Variants in ACBD5 observed in about 807,000 individuals in gnomAD.
ACBD5 encodes acyl-CoA binding domain containing 5.
Under a neutral mutation model 71.8 loss-of-function variants are expected in ACBD5, and 40 were observed. The ratio of observed to expected loss-of-function variants is 0.56; its 90% CI spans 0.43 to 0.72. The LOEUF (loss-of-function observed/expected upper bound fraction) is 0.72. Among genes scored for constraint, ACBD5 ranks in the 30% least tolerant of loss-of-function variants. The probability of loss-of-function intolerance (pLI) is 0.00; values close to 1 mark genes in which losing one functional copy is unlikely to be tolerated. For synonymous variants in ACBD5, 229 were observed against 218.6 expected, an observed-to-expected ratio of 1.05 and a Z score of -0.42; for missense variants, 559 against 644.5, an observed-to-expected ratio of 0.87 and a Z score of 1.44.
chr10:27,227,530 C>G (rs1235566531), intron 4 of ACBD5, among the ~76,000 whole-genome samples: 1 of 151,226 alleles, frequency 6.6e-6, no homozygotes, highest in Non-Finnish European at 1.5e-5. Flanking sequence ...CACTAGAAGC[C>G]TATCACTCAC....
At chr10:27,214,320 T>C (rs992180259) in intron 8 of ACBD5, among the ~76,000 whole-genome samples, 3 of 152,148 alleles carry the variant, frequency 2.0e-5, no homozygotes, top group Non-Finnish European at 4.4e-5. Context: ...TTACACATCA[T>C]ATGCCTGCAC....
At chr10:27,220,864 T>C (rs1589216759) in intron 5 of ACBD5, among the ~76,000 whole-genome samples, 1 of 152,198 alleles carries the variant, frequency 6.6e-6, no homozygotes, top group East Asian at 1.9e-4. Context: ...AAATGGCTAC[T>C]TTTAAGGAAA....
chr10:27,235,023 A>G, intron 3 of ACBD5, 69 bp downstream of exon 3: 1 of 1,463,168 alleles, frequency 6.8e-7, no homozygotes, highest in Non-Finnish European at 9.5e-7. Flanking sequence ...ATAACCACTT[A>G]AGTAATAGCC....
downstream of ACBD5, among the ~76,000 whole-genome samples, chr10:27,192,738 G>A (rs4749235): frequency 0.58 from 87,911 of 152,030 alleles, 25,457 homozygotes; most frequent in Non-Finnish European, 0.58. Context: ...TTGGGAGGCC[G>A]AGGCGGGTGG....
chr10:27,219,739 T>C lies in ACBD5; in HGVS notation c.609A>G (p.Ala203=), dbSNP rs1265310814. The C allele has an allele frequency of 6.2e-7, 1 of 1,614,094 alleles. No homozygotes were observed. The highest frequency in any genetic ancestry group is 1.3e-5 in the African/African-American group (1 of 75,070). The change falls in exon 6 of 13, where the codon GCA becomes GCG. Residue 203 remains alanine (A), a synonymous_variant. Coordinates refer to ENST00000396271, the MANE Select transcript of ACBD5 (RefSeq NM_145698.5). ...EEEAQEEVKG[A]EQSDNDKKMM... is the part of the protein sequence containing the mutation. Reference sequence around the variant, plus strand: ...AAACATTACCATTATCACTTTGTTCTGCTCCTTTCACTTCTTCTTGGGCCT... The same window carrying C: ...AAACATTACCATTATCACTTTGTTCCGCTCCTTTCACTTCTTCTTGGGCCT...
intron 2 of ACBD5, among the ~76,000 whole-genome samples, chr10:27,239,286 G>A (rs1384427192): frequency 6.6e-6 from 1 of 152,202 alleles, no homozygotes; most frequent in East Asian, 1.9e-4. Context: ...CTAAGACTCT[G>A]CATTTAGAAC....
chr10:27,234,491 TAAA>T (rs57102773), intron 3 of ACBD5, among the ~76,000 whole-genome samples: 73 of 135,908 alleles, frequency 5.4e-4, no homozygotes, highest in African/African-American at 7.3e-4. Context: ...GCTCTTGCCT[TAAA>T]AAAAAAAAAA....
intron 3 of ACBD5, among the ~76,000 whole-genome samples, 186 bp downstream of exon 3, chr10:27,234,906 T>C (rs1358927111): frequency 3.3e-5 from 5 of 150,462 alleles, no homozygotes; most frequent in African/African-American, 1.2e-4. Context: ...CACTCCAGCC[T>C]GGGCAACAGA....
intron 2 of ACBD5, among the ~76,000 whole-genome samples, chr10:27,239,549 TA>T (rs1220144781): frequency 6.6e-6 from 1 of 152,022 alleles, no homozygotes; most frequent in Non-Finnish European, 1.5e-5. Flanking sequence ...AATATGAGTA[TA>T]AAAAAGAACA....
At chr10:27,198,083 C>A (rs74628338) in intron 12 of ACBD5, among the ~76,000 whole-genome samples, 1 of 152,060 alleles carries the variant, frequency 6.6e-6, no homozygotes, top group Non-Finnish European at 1.5e-5. Flanking sequence ...GAAACAAATG[C>A]GTAACAAAAC....
chr10:27,231,779 G>C lies in ACBD5; in HGVS notation c.344C>G (p.Ala115Gly), dbSNP rs767780266. ...SSLGDMTKEEAMIAYVEEMKK... is the reference protein window; with the variant it reads ...SSLGDMTKEEGMIAYVEEMKK... The stretch of plus-strand genomic sequence containing the variant: ...CATTTCTTCAACATATGCAATCATG[G>C]CTTCCTCTTTGGTCATATCACCCAG... Residue 115 changes from alanine (A) to glycine (G), a missense_variant, in exon 4 of 13, where the codon GCC (alanine) becomes GGC (glycine). By Grantham distance (60) the Ala-to-Gly change is moderately conservative (BLOSUM62 0). Coordinates refer to ENST00000396271, the MANE Select transcript of ACBD5 (RefSeq NM_145698.5). 1.2e-6 allele frequency: 2 copies of C among 1,613,514 alleles called. No individual in the cohort carries two copies. Among genetic ancestry groups the C allele is most frequent in the African/African-American group, 2.7e-5 (2 of 74,864 alleles).
At chr10:27,236,453 T>C (rs1372172319) in intron 2 of ACBD5, among the ~76,000 whole-genome samples, 1 of 152,222 alleles carries the variant, frequency 6.6e-6, no homozygotes, top group Non-Finnish European at 1.5e-5. Flanking sequence ...ATAGTAAGTA[T>C]ACAAATTATT....
At chr10:27,228,576 C>CA (rs1200555034) in intron 4 of ACBD5, among the ~76,000 whole-genome samples, 160 of 142,112 alleles carry the variant, frequency 1.1e-3, no homozygotes, top group African/African-American at 3.4e-3. Flanking sequence ...GACTCCGTCT[C>CA]AAAAAAAAAA....
intron 8 of ACBD5, among the ~76,000 whole-genome samples, chr10:27,213,982 C>T (rs989955393): frequency 6.6e-6 from 1 of 152,068 alleles, no homozygotes; most frequent in Non-Finnish European, 1.5e-5. Context: ...GAGTACTATT[C>T]TACCATAAAA....
At chr10:27,190,446 T>C (rs1013225851), downstream of ACBD5, among the ~76,000 whole-genome samples, 1 of 152,144 alleles carries the variant, frequency 6.6e-6, no homozygotes, top group Non-Finnish European at 1.5e-5. Context: ...AAAATGATAA[T>C]TATTTGAACC....
intron 13 of ACBD5, among the ~76,000 whole-genome samples, chr10:27,189,466 C>A (rs1168691928): frequency 6.6e-6 from 1 of 152,160 alleles, no homozygotes. Flanking sequence ...CATAGCAAGA[C>A]CCTGTCTCTA....
At chr10:27,225,977 A>G (rs549036126) in intron 4 of ACBD5, among the ~76,000 whole-genome samples, 11 of 152,260 alleles carry the variant, frequency 7.2e-5, no homozygotes, top group African/African-American at 1.9e-4. Context: ...CCATAGGGTA[A>G]AAGAGTAAAC....
rs1364342959 is a variant in ACBD5, at chr10:27,196,398, A to G, written c.*1032T>C. ...TGTTAGCTGGGCATGCCTTATTCCTATGGAAGCATTTGGCCCGTTAGCTTG... is the reference window on the plus strand; with the variant it reads ...TGTTAGCTGGGCATGCCTTATTCCTGTGGAAGCATTTGGCCCGTTAGCTTG... On this transcript the variant is annotated 3_prime_UTR_variant, in exon 13 of 13. Transcript: ENST00000396271. The G allele has an allele frequency of 1.1e-5, 5 of 454,212 alleles. No homozygotes were observed. The highest frequency in any genetic ancestry group is 1.6e-5 in the South Asian group (1 of 64,484). The allele number at this position is 454,212 out of a possible 1,614,324, so 28.1% of individuals were successfully genotyped here. A position where few individuals can be genotyped will look rare whatever the true frequency, so the allele number is the denominator to read the frequency against.
In ACBD5 at chr10:27,208,118, A is replaced by C. The variant is rs186201246; in HGVS notation, c.1404+128T>G. ...AGTCTTTTCTTAAACAATATTTTCA[A>C]AACCAAGTTCTATTTTCTAAAAAAA... is the stretch of plus-strand genomic sequence containing the variant. On this transcript the variant is annotated intron_variant, in intron 10 of 12. Transcript: ENST00000396271. The C allele has an allele frequency of 1.1e-4, 111 of 986,404 alleles. No individual in the cohort carries two copies. In the East Asian group the frequency reaches 2.3e-3, roughly 20 times the overall value. The allele number at this position is 986,404 out of a possible 1,614,324, so 61.1% of individuals were successfully genotyped here.
Sources: allele counts gnomAD v4.1 joint callset (sites outside exome capture counted in the v4.1 genomes callset), GRCh38; gene constraint gnomAD v4.1.1; transcripts MANE v1.5; gene names NCBI Gene and HGNC (gene_info 2026-07-23, HGNC 2026-07-21).